CSMD1: variants seen among roughly 807,000 people sequenced by gnomAD.
CSMD1 encodes the protein CUB and Sushi multiple domains 1, also known as CUB and sushi domain-containing protein 1.
A neutral mutation model predicts 417.5 loss-of-function variants in CSMD1; 213 were observed. That is an observed-to-expected ratio of 0.51 (90% CI 0.46 to 0.57). The LOEUF is 0.57. Among genes scored for constraint, CSMD1 ranks in the 20% least tolerant of loss-of-function variants. The pLI, the probability that CSMD1 is intolerant of heterozygous loss-of-function variation, is 0.00. For synonymous variants in CSMD1, 2,862 were observed against 1,736.8 expected (o/e 1.65, Z -16.11); for missense variants, 6,923 against 4,529.7 (o/e 1.53, Z -15.17).
intron 3 of CSMD1, among the ~76,000 whole-genome samples, chr8:4,189,346 AT>A (rs1798876939): frequency 6.6e-6 from 1 of 152,222 alleles, no homozygotes; most frequent in Non-Finnish European, 1.5e-5. Flanking sequence ...TTTATTAGGA[AT>A]AATGATAATA....
chr8:3,052,876 G>T (rs1434473008), intron 49 of CSMD1, among the ~76,000 whole-genome samples: 1 of 151,014 alleles, frequency 6.6e-6, no homozygotes, highest in African/African-American at 2.4e-5. Context: ...CCACCTCTTG[G>T]GTTCAAGTGA....
At chr8:3,710,530 A>T (rs1268413399) in intron 6 of CSMD1, among the ~76,000 whole-genome samples, 3 of 152,098 alleles carry the variant, frequency 2.0e-5, no homozygotes, top group Non-Finnish European at 4.4e-5. Context: ...GCTTAGGTGG[A>T]CAATTGCCCT....
chr8:4,051,875 C>CT (rs397792890), intron 3 of CSMD1, among the ~76,000 whole-genome samples: 3 of 132,382 alleles, frequency 2.3e-5, no homozygotes, highest in African/African-American at 9.0e-5. Flanking sequence ...TTTCCTTCCT[C>CT]CTTTCTTCCT....
At chr8:3,737,954 G>A (rs79727403) in intron 6 of CSMD1, among the ~76,000 whole-genome samples, 3 of 152,078 alleles carry the variant, frequency 2.0e-5, no homozygotes, top group African/African-American at 7.2e-5. Flanking sequence ...ATTCTTAAAA[G>A]AAACAACTAA....
At chr8:3,073,195 T>C (rs1261438295) in intron 49 of CSMD1, among the ~76,000 whole-genome samples, 1 of 152,196 alleles carries the variant, frequency 6.6e-6, no homozygotes, top group Non-Finnish European at 1.5e-5. Context: ...AAACATATTA[T>C]TGTTATTTCA....
chr8:3,432,434 A>C (rs1179502217), intron 12 of CSMD1, among the ~76,000 whole-genome samples: 1 of 152,032 alleles, frequency 6.6e-6, no homozygotes, highest in Non-Finnish European at 1.5e-5. Context: ...TGGTGCAAAA[A>C]TAGAAATGAT....
At chr8:4,514,405 CATTCTAGA>C (rs759787631) in intron 2 of CSMD1, among the ~76,000 whole-genome samples, 1 of 152,084 alleles carries the variant, frequency 6.6e-6, no homozygotes, top group Non-Finnish European at 1.5e-5. Flanking sequence ...TCCACAATAC[CATTCTAGA>C]AGGCAGATCT....
intron 2 of CSMD1, among the ~76,000 whole-genome samples, chr8:4,593,731 A>G (rs551105043): frequency 2.0e-5 from 3 of 152,290 alleles, no homozygotes; most frequent in South Asian, 4.1e-4. Context: ...AATTTTTCCA[A>G]CAATTCCTAG....
chr8:3,624,422 C>T (rs1452148562), intron 7 of CSMD1, among the ~76,000 whole-genome samples: 1 of 152,052 alleles, frequency 6.6e-6, no homozygotes, highest in African/African-American at 2.4e-5. Flanking sequence ...ATAAATAAAC[C>T]AATATAAGAG....
chr8:4,569,861 A>T (rs966417844), intron 2 of CSMD1, among the ~76,000 whole-genome samples: 1 of 152,076 alleles, frequency 6.6e-6, no homozygotes, highest in African/African-American at 2.4e-5. Flanking sequence ...CCTTCACATC[A>T]CTTGTAAGTT....
chr8:4,289,120 G>C (rs575392736), intron 3 of CSMD1, among the ~76,000 whole-genome samples: 3 of 152,192 alleles, frequency 2.0e-5, no homozygotes, highest in East Asian at 1.9e-4. Context: ...TTTACAAAAT[G>C]AATTAACTAG....
At chr8:4,010,878 A>G (rs1230915298) in intron 4 of CSMD1, among the ~76,000 whole-genome samples, 2 of 152,204 alleles carry the variant, frequency 1.3e-5, no homozygotes, top group African/African-American at 4.8e-5. Flanking sequence ...GAGGAATTCC[A>G]AAACCAAAAA....
At chr8:4,804,948 G>T (rs75599614) in intron 1 of CSMD1, among the ~76,000 whole-genome samples, 5,875 of 152,132 alleles carry the variant, frequency 0.039, 159 homozygotes, top group Non-Finnish European at 0.062. Context: ...TAACAAAAAG[G>T]GATAGGAACT....
chr8:4,881,326 C>T (rs1803382050), intron 1 of CSMD1, among the ~76,000 whole-genome samples: 1 of 151,744 alleles, frequency 6.6e-6, no homozygotes. Flanking sequence ...TATTTGAATA[C>T]ATAATAACTA....
At chr8:3,357,862 G>A (rs11136610) in intron 21 of CSMD1, among the ~76,000 whole-genome samples, 17,813 of 152,132 alleles carry the variant, frequency 0.12, 1,230 homozygotes, top group African/African-American at 0.2. Flanking sequence ...TAGGAGAAAA[G>A]CAGATTGTGA....
intron 3 of CSMD1, among the ~76,000 whole-genome samples, chr8:4,342,729 C>T (rs967153852): frequency 1.3e-4 from 19 of 151,928 alleles, no homozygotes; most frequent in Admixed American, 8.5e-4. Flanking sequence ...GAGAACATTC[C>T]GCAGTAGACA....
chr8:4,965,752 T>G (rs892471019), intron 1 of CSMD1, among the ~76,000 whole-genome samples: 1 of 152,116 alleles, frequency 6.6e-6, no homozygotes, highest in Non-Finnish European at 1.5e-5. Context: ...ATACTAATGA[T>G]TATTTAGGAA....
At chr8:3,968,601 G>T (rs920199331) in intron 5 of CSMD1, among the ~76,000 whole-genome samples, 3 of 152,086 alleles carry the variant, frequency 2.0e-5, no homozygotes, top group Admixed American at 6.5e-5. Flanking sequence ...TGGAATATTC[G>T]CTAAGGAAGA....
chr8:3,289,061 G>T lies in CSMD1; in HGVS notation c.3951-4715C>A, dbSNP rs1017635631. 1.2e-3 allele frequency among the ~76,000 whole-genome samples: 182 copies of T among 146,982 alleles called. 5 individuals are homozygous for T. The highest frequency in any genetic ancestry group is 2.0e-3 in the Non-Finnish European group (139 of 67,978). ...CTCATTGTTCAATTCCCACCTATGA[G>T]GGAGAACATGCGGTATTTAGTTTTT... is the stretch of plus-strand genomic sequence containing the variant. On this transcript the variant is annotated intron_variant, in intron 25 of 69. Transcript: ENST00000635120.
Sources: gnomAD v4.1 joint callset for allele counts (sites outside exome capture counted in the v4.1 genomes callset) on GRCh38, gnomAD v4.1.1 for gene constraint, MANE v1.5 for transcripts, NCBI Gene and HGNC (gene_info 2026-07-23, HGNC 2026-07-21) for gene names.